BMPR2: variants seen among roughly 807,000 people sequenced by gnomAD.
BMPR2 encodes the protein bone morphogenetic protein receptor type 2.
BMPR2 carries 29 observed loss-of-function variants against 100.8 expected under a neutral mutation model. That is an observed-to-expected ratio of 0.29 (90% CI 0.21 to 0.39). The LOEUF (loss-of-function observed/expected upper bound fraction) is 0.39, where lower values mean the gene tolerates loss of function less well. BMPR2 is among the 10% of genes least tolerant of loss of function. The probability of loss-of-function intolerance (pLI) is 1.00; values close to 1 mark genes in which losing one functional copy is unlikely to be tolerated. For synonymous variants in BMPR2, 382 were observed against 442.3 expected, an observed-to-expected ratio of 0.86 and a Z score of 1.71; for missense variants, 1,011 against 1,274.5, an observed-to-expected ratio of 0.79 and a Z score of 3.15.
intron 1 of BMPR2, among the ~76,000 whole-genome samples, chr2:202,379,885 T>C (rs1690238530): frequency 6.7e-6 from 1 of 150,356 alleles, no homozygotes; most frequent in Non-Finnish European, 1.5e-5. Context: ...TCAGACAGAG[T>C]ATCACTCTGT....
chr2:202,521,410 T>G (rs1006124753), intron 7 of BMPR2, among the ~76,000 whole-genome samples: 1 of 151,926 alleles, frequency 6.6e-6, no homozygotes, highest in African/African-American at 2.4e-5. Flanking sequence ...CTACAAAAAA[T>G]ATAAACATTA....
intron 1 of BMPR2, among the ~76,000 whole-genome samples, chr2:202,458,489 A>T (rs771832892): frequency 1.7e-4 from 26 of 151,766 alleles, no homozygotes; most frequent in Admixed American, 7.9e-4. Flanking sequence ...TTTTTTTTTT[A>T]AATTAAATGC....
At chr2:202,457,557 TATATAGAGAGAG>T (rs146173779) in intron 1 of BMPR2, among the ~76,000 whole-genome samples, 1,392 of 100,776 alleles carry the variant, frequency 0.014, 26 homozygotes, top group African/African-American at 0.053. Flanking sequence ...TATATATATA[TATATAGAGAGAG>T]AGAGAGAGAG....
chr2:202,456,531 T>C (rs1423730358), intron 1 of BMPR2, among the ~76,000 whole-genome samples: 7 of 150,378 alleles, frequency 4.7e-5, no homozygotes, highest in South Asian at 4.2e-4. Context: ...TTTTTTTTTT[T>C]CCAGAGGGAG....
intron 1 of BMPR2, among the ~76,000 whole-genome samples, chr2:202,432,154 C>A (rs1481595928): frequency 6.6e-6 from 1 of 150,664 alleles, no homozygotes; most frequent in Non-Finnish European, 1.5e-5. Context: ...ACTCTCTTCC[C>A]TTTCTTTCAT....
At chr2:202,427,358 CAAAAAA>C (rs397872093) in intron 1 of BMPR2, among the ~76,000 whole-genome samples, 78 of 78,856 alleles carry the variant, frequency 9.9e-4, no homozygotes, top group Non-Finnish European at 1.5e-3. Flanking sequence ...GACCCTGGCT[CAAAAAA>C]AAAAAAAAAA....
At chr2:202,459,244 G>A (rs1692179830) in intron 1 of BMPR2, among the ~76,000 whole-genome samples, 1 of 151,956 alleles carries the variant, frequency 6.6e-6, no homozygotes, top group Non-Finnish European at 1.5e-5. Context: ...GTACAACTTT[G>A]GCAAAAATGA....
chr2:202,566,091 T>C lies in BMPR2; in HGVS notation c.*6145T>C, dbSNP rs111343977. On this transcript the variant is annotated 3_prime_UTR_variant, in exon 13 of 13. Coordinates refer to ENST00000374580, the MANE Select transcript of BMPR2 (RefSeq NM_001204.7). ...GAATCTTCAGAACAAAATCACATCA[T>C]TAGGGTGTCCAGTTTATGATTGAAT... The C allele has an allele frequency of 3.3e-5, 5 of 152,204 alleles. No homozygotes were observed. Among genetic ancestry groups the C allele is most frequent in the African/African-American group, 1.2e-4 (5 of 41,466 alleles). 9.4% of individuals were successfully genotyped at this position (152,204 alleles called of 1,614,324 possible). A position where few individuals can be genotyped will look rare whatever the true frequency, so the allele number is the denominator to read the frequency against.
At chr2:202,509,215 G>C (rs1687581137) in intron 3 of BMPR2, among the ~76,000 whole-genome samples, 1 of 151,596 alleles carries the variant, frequency 6.6e-6, no homozygotes, top group Non-Finnish European at 1.5e-5. Context: ...CTCTTATTTT[G>C]AATAAAAAAA....
chr2:202,528,113 G>C (rs1687952191), intron 7 of BMPR2, among the ~76,000 whole-genome samples: 1 of 152,188 alleles, frequency 6.6e-6, no homozygotes, highest in South Asian at 2.1e-4. Flanking sequence ...CCTGAGCCCA[G>C]GAGGTCAAGA....
intron 1 of BMPR2, among the ~76,000 whole-genome samples, chr2:202,410,331 G>A (rs529417818): frequency 1.3e-4 from 20 of 152,132 alleles, no homozygotes; most frequent in Non-Finnish European, 2.2e-4. Context: ...AAGAACCCTT[G>A]AGAAATGACT....
At chr2:202,543,583 C>G (rs1479270189) in intron 10 of BMPR2, among the ~76,000 whole-genome samples, 1 of 151,928 alleles carries the variant, frequency 6.6e-6, no homozygotes. Context: ...AACTACCTCT[C>G]CCTACTATCA....
intron 3 of BMPR2, among the ~76,000 whole-genome samples, chr2:202,481,279 A>G (rs1159376103): frequency 6.6e-6 from 1 of 152,000 alleles, no homozygotes; most frequent in Non-Finnish European, 1.5e-5. Context: ...CCCAGGTTCA[A>G]GCAATTCTCC....
Position 202,468,620 on chromosome 2 carries a change from A to AT in BMPR2, c.418+933dup, listed in dbSNP as rs562417019. ...TTCAATAGTACGAATATACATAGAC[A>AT]TTGAGTTGTTTACTGCAGTGTTATT... On this transcript the variant is annotated intron_variant, in intron 3 of 12. Coordinates refer to ENST00000374580, the MANE Select transcript of BMPR2 (RefSeq NM_001204.7). 4.1e-4 allele frequency among the ~76,000 whole-genome samples: 62 copies of AT among 152,368 alleles called. 1 individual carries two copies. The East Asian group carries it at 0.011, about 28-fold the overall frequency.
In BMPR2 at chr2:202,464,879, T is replaced by C. The variant is rs150080314; in HGVS notation, c.147T>C (p.Ser49=). Residue 49 remains serine, a synonymous_variant, in exon 2 of 13, where the codon AGT becomes AGC. Transcript: ENST00000374580. Reference sequence around the variant, plus strand: ...AGCAAGACCTTGGGATAGGTGAGAGTAGAATCTCTCATGAAAATGGGACAA... The same window carrying C: ...AGCAAGACCTTGGGATAGGTGAGAGCAGAATCTCTCATGAAAATGGGACAA... ...PYQQDLGIGE[S]RISHENGTIL... is the part of the protein sequence containing the mutation. 5 of 1,613,568 alleles carry C rather than the reference T, an allele frequency of 3.1e-6. No homozygotes were observed. In the East Asian group the frequency reaches 8.9e-5, roughly 29 times the overall value.
intron 1 of BMPR2, among the ~76,000 whole-genome samples, chr2:202,453,609 C>T (rs879790709): frequency 2.0e-5 from 3 of 152,020 alleles, no homozygotes; most frequent in Non-Finnish European, 2.9e-5. Flanking sequence ...AAAATTAAAA[C>T]AATTGAACTC....
rs1693014234 is a variant in BMPR2 at position 202,495,822 on chromosome 2, T to C, written c.419-17897T>C. ...AGATTTTGAATTAATGAATGTTTAA[T>C]GTAAAAGTTTTGTTAAATTTTCTTT... On this transcript the variant is annotated intron_variant, in intron 3 of 12. Transcript: ENST00000374580. This position sits in a 1 kb window ranked among gnomAD's most constrained non-coding sequence, Gnocchi z 4.5. Among the ~76,000 whole-genome samples, 1 of 152,264 alleles carries C rather than the reference T, an allele frequency of 6.6e-6. No individual in the cohort carries two copies. The highest frequency in any genetic ancestry group is 2.4e-5 in the African/African-American group (1 of 41,478).
chr2:202,508,021 T>C (rs1343301647), intron 3 of BMPR2, among the ~76,000 whole-genome samples: 2 of 150,034 alleles, frequency 1.3e-5, no homozygotes, highest in African/African-American at 4.9e-5. Context: ...TTTTAACATA[T>C]GTGATATGAT....
intron 1 of BMPR2, among the ~76,000 whole-genome samples, chr2:202,389,563 G>C (rs1285543216): frequency 7.0e-6 from 1 of 143,632 alleles, no homozygotes; most frequent in Non-Finnish European, 1.5e-5. Context: ...TTTTGCTTTT[G>C]ATTTTATCAT....
Sources: allele counts gnomAD v4.1 joint callset (sites outside exome capture counted in the v4.1 genomes callset), GRCh38; gene constraint gnomAD v4.1.1; non-coding constraint Gnocchi (gnomAD v3.1); transcripts MANE v1.5; gene names NCBI Gene and HGNC (gene_info 2026-07-23, HGNC 2026-07-21).